The following FHDC1 variants were observed in gnomAD, a reference collection of about 807,000 sequenced individuals.
The protein encoded by FHDC1 is FH2 domain-containing protein 1.
In FHDC1, 25 loss-of-function variants were observed where a neutral mutation model predicts 52.6. The ratio of observed to expected loss-of-function variants is 0.48; its 90% confidence interval spans 0.35 to 0.66. FHDC1 has a LOEUF of 0.66. Among genes scored for constraint, FHDC1 ranks in the 30% least tolerant of loss-of-function variants. FHDC1 has a pLI of 0.01. For synonymous variants in FHDC1, 616 were observed against 581.5 expected, an observed-to-expected ratio of 1.06 and a Z score of -0.85; for missense variants, 1,459 against 1,452.8, an observed-to-expected ratio of 1.00 and a Z score of -0.07.
At chr4:152,919,266 T>G in the FHDC1 span, among the ~76,000 whole-genome samples, 2 of 152,268 alleles carry the variant, frequency 1.3e-5, no homozygotes, top group Non-Finnish European at 2.9e-5. Flanking sequence ...GGCTTGCCCT[T>G]AAACTTTTGG....
chr4:152,936,885 C>A (rs1739398258), intron 1 of FHDC1, among the ~76,000 whole-genome samples: 1 of 152,260 alleles, frequency 6.6e-6, no homozygotes, highest in Admixed American at 6.5e-5. Context: ...CCTAGCCAGC[C>A]GGGGGCCACG....
At chr4:152,918,535 A>C in the FHDC1 span, 1 of 152,256 alleles carries the variant, frequency 6.6e-6, no homozygotes, top group Non-Finnish European at 1.5e-5. Flanking sequence ...TCTTTGGCGT[A>C]GCCCTAAAAG....
At chr4:152,952,679 A>T (rs1480316051) in intron 2 of FHDC1, among the ~76,000 whole-genome samples, 1 of 152,240 alleles carries the variant, frequency 6.6e-6, no homozygotes, top group African/African-American at 2.4e-5. Context: ...AATACTATGC[A>T]ATTTTATGTA....
At chr4:152,966,041 C>G (rs1740446484) in intron 9 of FHDC1, among the ~76,000 whole-genome samples, 1 of 152,130 alleles carries the variant, frequency 6.6e-6, no homozygotes, top group Non-Finnish European at 1.5e-5. Context: ...AGATTGTTCT[C>G]TAAAAAGAAT....
rs763747509 is a variant in FHDC1 at position 152,976,986 on chromosome 4, C to G, written c.*263C>G. ...CCTCCCCCATGCACCCCACCCTCCC[C>G]CAAAGCCCGGATCCCGAGAAAGATT... On this transcript the variant is annotated 3_prime_UTR_variant, in exon 12 of 12. Transcript: ENST00000511601. The G allele has an allele frequency of 6.2e-4, 205 of 328,714 alleles. 1 individual carries two copies. The highest frequency in any genetic ancestry group is 8.1e-4 in the Non-Finnish European group (147 of 182,250). 20.4% of individuals were successfully genotyped at this position (328,714 alleles called of 1,614,324 possible).
intron 2 of FHDC1, among the ~76,000 whole-genome samples, chr4:152,950,608 G>C (rs2149943512): frequency 6.6e-6 from 1 of 152,334 alleles, no homozygotes; most frequent in South Asian, 2.1e-4. Flanking sequence ...ACCGTGGGCT[G>C]CTCCTGTAGG....
chr4:152,927,964 G>A, the FHDC1 span: 39 of 1,478,852 alleles, frequency 2.6e-5, no homozygotes, highest in South Asian at 3.4e-5. Context: ...GACTGAAACC[G>A]GACCCTGAGC....
intron 4 of FHDC1, among the ~76,000 whole-genome samples, chr4:152,956,106 C>A (rs921815114): frequency 2.6e-5 from 4 of 152,190 alleles, no homozygotes; most frequent in African/African-American, 9.7e-5. Flanking sequence ...CTGAACAGTC[C>A]TTAATCTTTT....
the FHDC1 span, among the ~76,000 whole-genome samples, chr4:152,925,169 C>T: frequency 2.0e-5 from 3 of 151,458 alleles, no homozygotes; most frequent in African/African-American, 7.3e-5. Flanking sequence ...TAGCATTTGA[C>T]TTAAAGTCTC....
chr4:152,938,503 C>A (rs114411606), intron 1 of FHDC1, among the ~76,000 whole-genome samples: 1 of 152,090 alleles, frequency 6.6e-6, no homozygotes, highest in African/African-American at 2.4e-5. Context: ...GGTGGAGGAG[C>A]CTTTTCCCGA....
rs1282218345 is a variant in FHDC1, at chr4:152,954,990, C to T, written c.663+671C>T. Reference sequence around the variant, plus strand: ...AATGCATCTAACATGGCACTTGGCACGTGGGAGCTCAATAAATTCTCATCA... The same window carrying T: ...AATGCATCTAACATGGCACTTGGCATGTGGGAGCTCAATAAATTCTCATCA... On this transcript the variant is annotated intron_variant, in intron 4 of 11. Transcript: ENST00000511601. Among the ~76,000 whole-genome samples, 4 of 152,012 alleles carry T rather than the reference C, an allele frequency of 2.6e-5. No homozygotes were observed. In the South Asian group the frequency reaches 6.2e-4, roughly 24 times the overall value.
chr4:152,925,062 G>T, the FHDC1 span, among the ~76,000 whole-genome samples: 1 of 151,950 alleles, frequency 6.6e-6, no homozygotes, highest in African/African-American at 2.4e-5. Context: ...AATAATGTAT[G>T]TTGACGATTC....
intron 11 of FHDC1, among the ~76,000 whole-genome samples, 173 bp from the exon 12 acceptor site, chr4:152,974,502 G>A (rs62319482): frequency 7.4e-4 from 113 of 151,738 alleles, no homozygotes; most frequent in Non-Finnish European, 1.5e-3. Context: ...ACACACATGC[G>A]TACACACACA....
chr4:152,930,998 C>CACACACACTCTT, the FHDC1 span, among the ~76,000 whole-genome samples: 42 of 90,998 alleles, frequency 4.6e-4, no homozygotes, highest in South Asian at 0.012. Flanking sequence ...CACACACACA[C>CACACACACTCTT]TCTCTCTCTC....
Position 152,976,922 on chromosome 4 carries a change from C to T in FHDC1, c.*199C>T. On this transcript the variant is annotated 3_prime_UTR_variant, in exon 12 of 12. Transcript: ENST00000511601. The stretch of plus-strand genomic sequence containing the variant: ...TGTGCTGAGCCCTGCTGCAGTCCAG[C>T]GTCCAGATGGATGCACGTTCACTAC... The T allele has an allele frequency of 5.4e-6, 3 of 553,610 alleles. No individual in the cohort carries two copies. The highest frequency in any genetic ancestry group is 8.6e-6 in the Non-Finnish European group (3 of 350,288). 34.3% of individuals were successfully genotyped at this position (553,610 alleles called of 1,614,324 possible). A position where few individuals can be genotyped will look rare whatever the true frequency, so the allele number is the denominator to read the frequency against.
chr4:152,924,987 G>A, the FHDC1 span, among the ~76,000 whole-genome samples: 2 of 148,444 alleles, frequency 1.3e-5, no homozygotes, highest in African/African-American at 5.0e-5. Flanking sequence ...TTGTGCACAT[G>A]TACCCTAAAA....
chr4:152,964,928 T>TC lies in FHDC1; in HGVS notation c.1054dup (p.Leu352ProfsTer16). 6.2e-7 allele frequency: 1 copy of TC among 1,612,378 alleles called. No individual in the cohort carries two copies. The highest frequency in any genetic ancestry group is 8.5e-7 in the Non-Finnish European group (1 of 1,179,384). On this transcript the variant is annotated frameshift_variant, in exon 9 of 12. Transcript: ENST00000511601. LOFTEE classifies it high-confidence loss of function. ...AGGAAGCCCAAAAGAAAGATACCAT[T>TC]CTTCTAAACTTTTCAGAAAAATTGC...
At chr4:152,949,112 T>TAAGAAG (rs1301987979) in intron 2 of FHDC1, among the ~76,000 whole-genome samples, 154 of 79,946 alleles carry the variant, frequency 1.9e-3, no homozygotes, top group South Asian at 4.6e-3. Context: ...ATAATAATAA[T>TAAGAAG]AATAATAATA....
chr4:152,934,399 C>T (rs114916832), upstream of FHDC1, among the ~76,000 whole-genome samples: 1,590 of 152,168 alleles, frequency 0.01, 9 homozygotes, highest in Non-Finnish European at 0.018. Context: ...AATTTTACAA[C>T]GATAATATGG....
Sources: gnomAD v4.1 joint callset for allele counts (sites outside exome capture counted in the v4.1 genomes callset) on GRCh38, gnomAD v4.1.1 for gene constraint, MANE v1.5 for transcripts, NCBI Gene and HGNC (gene_info 2026-07-23, HGNC 2026-07-21) for gene names.